Variants in WWC2 observed in about 807,000 individuals in gnomAD.
WWC2 encodes protein WWC2.
WWC2 carries 101 observed loss-of-function variants against 138.5 expected under a neutral mutation model. The observed-to-expected ratio is 0.73, with a 90% CI of 0.62 to 0.86. The LOEUF (loss-of-function observed/expected upper bound fraction) is 0.86, where lower values mean the gene tolerates loss of function less well. WWC2 is among the 40% of genes least tolerant of loss of function. The probability of loss-of-function intolerance (pLI) is 0.00; values close to 1 mark genes in which losing one functional copy is unlikely to be tolerated. For synonymous variants in WWC2, 558 were observed against 538.4 expected (o/e 1.04, Z -0.50); for missense variants, 1,420 against 1,419.4 (o/e 1.00, Z -0.01).
intron 20 of WWC2, among the ~76,000 whole-genome samples, chr4:183,286,711 G>A (rs1446686639): frequency 6.6e-6 from 1 of 152,256 alleles, no homozygotes; most frequent in Non-Finnish European, 1.5e-5. Context: ...GGCTTAAAAT[G>A]TGTGGTTCGG....
chr4:183,197,623 G>C lies in WWC2; in HGVS notation c.241+3915G>C, dbSNP rs574962754. Among the ~76,000 whole-genome samples the C allele has an allele frequency of 2.6e-5, 4 of 152,170 alleles. No individual in the cohort carries two copies. The South Asian group carries it at 8.3e-4, about 32-fold the overall frequency. On this transcript the variant is annotated intron_variant, in intron 2 of 22. Transcript: ENST00000403733. ...AGTGGGGGTGTAGATATCAGTGAGG[G>C]ATGTTTGCAGCTAACTAGAAGGTAA... is the stretch of plus-strand genomic sequence containing the variant.
At chr4:183,224,505 C>G (rs1465464277) in intron 4 of WWC2, among the ~76,000 whole-genome samples, 2 of 152,180 alleles carry the variant, frequency 1.3e-5, no homozygotes, top group Non-Finnish European at 2.9e-5. Context: ...ATATCTCTGT[C>G]TAGCACCTGC....
chr4:183,261,353 C>G lies in WWC2; in HGVS notation c.1730C>G (p.Ser577Cys). The stretch of plus-strand genomic sequence containing the variant: ...CCCATGTCTTCTTCTCATGATGCCT[C>G]TCTCCATCAGTTCACTGCTGACTTT... ...TFPMSSSHDASLHQFTADFED... is the reference protein window; with the variant it reads ...TFPMSSSHDACLHQFTADFED... Residue 577 changes from serine to cysteine, a missense_variant, in exon 11 of 23, where the codon TCT (serine) becomes TGT (cysteine). Physicochemically the swap from Ser to Cys is moderately radical, Grantham distance 112. Transcript: ENST00000403733. The G allele has an allele frequency of 6.2e-7, 1 of 1,613,372 alleles. No homozygotes were observed. The highest frequency in any genetic ancestry group is 8.5e-7 in the Non-Finnish European group (1 of 1,179,648).
rs796052193 is a variant in WWC2, at chr4:183,289,511, T to C, written c.3260T>C (p.Leu1087Pro). 6.2e-7 allele frequency: 1 copy of C among 1,613,954 alleles called. No individual in the cohort carries two copies. The highest frequency in any genetic ancestry group is 8.5e-7 in the Non-Finnish European group (1 of 1,179,858). The change falls in exon 21 of 23, where the codon CTG (leucine) becomes CCG (proline). Residue 1087 changes from leucine to proline, a missense_variant. Physicochemically the swap from Leu to Pro is moderately conservative, Grantham distance 98. Coordinates refer to ENST00000403733, the MANE Select transcript of WWC2 (RefSeq NM_024949.6). The stretch of plus-strand genomic sequence containing the variant: ...CGGCAGAGCCGCCTCAATGATGAGC[T>C]GCAGGCGCTGAGGGACTTGCGGCAG... ...LTRQSRLNDE[L>P]QALRDLRQKL...
At chr4:183,152,495 C>T (rs762806589) in intron 1 of WWC2, among the ~76,000 whole-genome samples, 93 of 142,392 alleles carry the variant, frequency 6.5e-4, no homozygotes, top group Non-Finnish European at 1.4e-3. Flanking sequence ...CAAGACCCTG[C>T]CTCTTAAAAA....
intron 1 of WWC2, among the ~76,000 whole-genome samples, chr4:183,174,650 C>G (rs1734404301): frequency 6.6e-6 from 1 of 152,172 alleles, no homozygotes; most frequent in South Asian, 2.1e-4. Context: ...ATCCTCCCAA[C>G]TTTTTATTTT....
chr4:183,233,598 ATTG>A (rs1228086053), intron 4 of WWC2: 1 of 151,688 alleles, frequency 6.6e-6, no homozygotes. Context: ...CCTTTTTATT[ATTG>A]TTAAACAAAA....
chr4:183,266,499 G>A (rs1027911865), intron 14 of WWC2, among the ~76,000 whole-genome samples: 1 of 152,144 alleles, frequency 6.6e-6, no homozygotes, highest in Non-Finnish European at 1.5e-5. Context: ...ACAGTCCATT[G>A]CTTAGAGACT....
intron 1 of WWC2, among the ~76,000 whole-genome samples, chr4:183,129,232 G>A (rs1732848866): frequency 6.6e-6 from 1 of 152,184 alleles, no homozygotes; most frequent in African/African-American, 2.4e-5. Context: ...CAGGAGGAAC[G>A]GCTGGTGGAA....
At chr4:183,289,255 C>A in intron 20 of WWC2, 138 bp from the exon 21 acceptor site, 1 of 1,295,680 alleles carries the variant, frequency 7.7e-7, no homozygotes, top group Non-Finnish European at 1.0e-6. Context: ...TGGGCCAGAG[C>A]GAGTTGCTCC....
intron 1 of WWC2, among the ~76,000 whole-genome samples, chr4:183,101,730 T>C (rs1743186573): frequency 6.6e-6 from 1 of 152,164 alleles, no homozygotes; most frequent in African/African-American, 2.4e-5. Context: ...ACCAAACATA[T>C]GGAAAGAGAG....
intron 1 of WWC2, among the ~76,000 whole-genome samples, chr4:183,157,265 A>C (rs1733832400): frequency 6.6e-6 from 1 of 152,118 alleles, no homozygotes; most frequent in Admixed American, 6.6e-5. Flanking sequence ...TGTTTGTCTG[A>C]TATTTAAACA....
At chr4:183,265,328 C>T (rs986406590) in intron 12 of WWC2, among the ~76,000 whole-genome samples, 3 of 152,178 alleles carry the variant, frequency 2.0e-5, no homozygotes, top group Non-Finnish European at 4.4e-5. Flanking sequence ...GCAATTGACC[C>T]TCTTTAGAAT....
At chr4:183,101,512 A>G (rs1232500142) in intron 1 of WWC2, among the ~76,000 whole-genome samples, 1 of 152,212 alleles carries the variant, frequency 6.6e-6, no homozygotes, top group Non-Finnish European at 1.5e-5. Flanking sequence ...TCAGAGACAT[A>G]AATTTGACGA....
chr4:183,238,174 T>C (rs1736488412), intron 4 of WWC2, among the ~76,000 whole-genome samples: 1 of 152,210 alleles, frequency 6.6e-6, no homozygotes, highest in Non-Finnish European at 1.5e-5. Flanking sequence ...TCCTCTTTTC[T>C]TCCACATTTG....
At chr4:183,117,075 A>G (rs937801312) in intron 1 of WWC2, among the ~76,000 whole-genome samples, 12 of 152,008 alleles carry the variant, frequency 7.9e-5, no homozygotes, top group African/African-American at 2.9e-4. Context: ...CTGTGGAACC[A>G]TCTCCTTTTC....
intron 4 of WWC2, among the ~76,000 whole-genome samples, chr4:183,213,605 T>C (rs1301520345): frequency 2.0e-5 from 3 of 152,256 alleles, no homozygotes; most frequent in African/African-American, 7.2e-5. Flanking sequence ...TTTCATGTTA[T>C]GTTATGGACA....
intron 2 of WWC2, among the ~76,000 whole-genome samples, chr4:183,194,842 C>T (rs1735090736): frequency 6.6e-6 from 1 of 152,204 alleles, no homozygotes; most frequent in Non-Finnish European, 1.5e-5. Flanking sequence ...TGGGAACCAG[C>T]TTTCATGTAT....
At chr4:183,158,928 T>C (rs1277654687) in intron 1 of WWC2, among the ~76,000 whole-genome samples, 2 of 152,144 alleles carry the variant, frequency 1.3e-5, no homozygotes, top group African/African-American at 2.4e-5. Context: ...GATGAATGGG[T>C]GTGGCTTACA....
Sources: gnomAD v4.1 joint callset for allele counts (sites outside exome capture counted in the v4.1 genomes callset) on GRCh38, gnomAD v4.1.1 for gene constraint, MANE v1.5 for transcripts, NCBI Gene and HGNC (gene_info 2026-07-23, HGNC 2026-07-21) for gene names.